The following CC2D2A variants were observed in gnomAD, a reference collection of about 807,000 sequenced individuals.
CC2D2A encodes coiled-coil and C2 domain-containing protein 2A.
CC2D2A carries 155 observed loss-of-function variants against 212.9 expected under a neutral mutation model. The ratio of observed to expected loss-of-function variants is 0.73; its 90% CI spans 0.64 to 0.83. The LOEUF is 0.83. Among genes scored for constraint, CC2D2A ranks in the 40% least tolerant of loss-of-function variants. CC2D2A has a pLI of 0.00. For missense variants in CC2D2A, 1,856 were observed against 1,956.2 expected (o/e 0.95, Z 0.97); for synonymous variants, 667 against 686.5 (o/e 0.97, Z 0.44).
rs186760497 is a variant in CC2D2A, at chr4:15,482,872, T to C, written c.247+2045T>C. Among the ~76,000 whole-genome samples, 8 of 136,450 alleles carry C rather than the reference T, an allele frequency of 5.9e-5. No homozygotes were observed. The East Asian group carries it at 7.8e-4, about 13-fold the overall frequency. 89.5% of individuals were successfully genotyped at this position (136,450 alleles called of 152,430 possible). A position where few individuals can be genotyped will look rare whatever the true frequency, so the allele number is the denominator to read the frequency against. Reference sequence around the variant, plus strand: ...CCACTGTCACCATGGAGATGATCTATGCATTAGTCCCTTCCCCCACAAAAA... The same window carrying C: ...CCACTGTCACCATGGAGATGATCTACGCATTAGTCCCTTCCCCCACAAAAA... On this transcript the variant is annotated intron_variant, in intron 4 of 36. Transcript: ENST00000424120.
chr4:15,555,049 A>T (rs776035263), intron 19 of CC2D2A, 23 bp from the exon 20 acceptor site: 1 of 1,597,414 alleles, frequency 6.3e-7, no homozygotes, highest in East Asian at 2.3e-5. Flanking sequence ...AGTCAGTCTC[A>T]TGGAATCAAC....
intron 17 of CC2D2A, among the ~76,000 whole-genome samples, chr4:15,550,505 GGAGGAGGCCC>G (rs1438663369): frequency 2.0e-5 from 3 of 152,190 alleles, no homozygotes; most frequent in Non-Finnish European, 4.4e-5. Context: ...GCCTGGAAAA[GGAGGAGGCCC>G]ATTCTCCTAG....
At chr4:15,569,558 T>C (rs1720063039) in intron 27 of CC2D2A, among the ~76,000 whole-genome samples, 169 bp downstream of exon 27, 1 of 151,784 alleles carries the variant, frequency 6.6e-6, no homozygotes, top group African/African-American at 2.4e-5. Flanking sequence ...CAAAAGCGAG[T>C]TTATTAGGAA....
chr4:15,598,541 C>T (rs778968986), intron 35 of CC2D2A, among the ~76,000 whole-genome samples: 3 of 152,182 alleles, frequency 2.0e-5, no homozygotes, highest in Admixed American at 1.3e-4. Context: ...AAGCACTTAG[C>T]GCAGTATCTG....
At chr4:15,583,708 G>A (rs2109086238) in intron 30 of CC2D2A, among the ~76,000 whole-genome samples, 1 of 152,326 alleles carries the variant, frequency 6.6e-6, no homozygotes, top group East Asian at 1.9e-4. Flanking sequence ...CCAGCACTTT[G>A]GGAGGCCGAG....
rs774919996 is a variant in CC2D2A, at chr4:15,601,290, C to T, written c.4728C>T (p.Asp1576=). ...MPYSEVKPLI[D]AVYSTGVHNI... Reference sequence around the variant, plus strand: ...ATTCTGAAGTGAAGCCTTTAATTGACGCTGTGTATAGTACTGGAGTACATA... The same window carrying T: ...ATTCTGAAGTGAAGCCTTTAATTGATGCTGTGTATAGTACTGGAGTACATA... Residue 1576 remains aspartate, a synonymous_variant, in exon 37 of 37, where the codon GAC becomes GAT. Coordinates refer to ENST00000424120, the MANE Select transcript of CC2D2A (RefSeq NM_001378615.1). 6.2e-6 allele frequency: 10 copies of T among 1,612,636 alleles called. No homozygotes were observed. The South Asian group carries it at 6.6e-5, about 11-fold the overall frequency.
intron 11 of CC2D2A, among the ~76,000 whole-genome samples, chr4:15,523,180 GTCCTTCCT>G (rs144700300): frequency 4.7e-5 from 7 of 149,260 alleles, no homozygotes; most frequent in African/African-American, 1.2e-4. Flanking sequence ...TCTTTCCTTT[GTCCTTCCT>G]TCCTTCCTTC....
intron 17 of CC2D2A, among the ~76,000 whole-genome samples, chr4:15,550,112 G>A (rs567659905): frequency 4.6e-5 from 7 of 152,324 alleles, no homozygotes; most frequent in African/African-American, 1.4e-4. Flanking sequence ...ACAGGGGATC[G>A]AATGGAGCCA....
At chr4:15,551,480 TC>T (rs1448048007) in intron 18 of CC2D2A, among the ~76,000 whole-genome samples, 1 of 152,220 alleles carries the variant, frequency 6.6e-6, no homozygotes, top group East Asian at 1.9e-4. Context: ...GCTGTCTTTT[TC>T]TTTCACTGCT....
Position 15,511,395 on chromosome 4 carries a change from C to A in CC2D2A, c.689C>A (p.Pro230Gln). The A allele has an allele frequency of 6.4e-7, 1 of 1,555,420 alleles. No individual in the cohort carries two copies. Among genetic ancestry groups the A allele is most frequent in the South Asian group, 1.3e-5 (1 of 79,918 alleles). Reference protein sequence around the residue: ...QEEEEGEEEEPPAQGGGKEMD... With the variant: ...QEEEEGEEEEQPAQGGGKEMD... ...GAGGAGGAAGGGGAAGAAGAAGAAC[C>A]ACCTGCACAAGGAGGAGGAAAGGAA... Residue 230 changes from proline to glutamine, a missense_variant, in exon 8 of 37, where the codon CCA (proline) becomes CAA (glutamine). Physicochemically the swap from Pro to Gln is moderately conservative, Grantham distance 76. Transcript: ENST00000424120.
chr4:15,570,973 T>C (rs1171748166), intron 28 of CC2D2A, among the ~76,000 whole-genome samples: 1 of 152,232 alleles, frequency 6.6e-6, no homozygotes, highest in Admixed American at 6.5e-5. Context: ...GCAAAGCCCA[T>C]AGAAGGCTCA....
intron 31 of CC2D2A, 121 bp from the exon 32 acceptor site, chr4:15,587,695 C>A: frequency 2.0e-6 from 1 of 491,592 alleles, no homozygotes; most frequent in South Asian, 3.6e-5. Flanking sequence ...AAATTTCGGG[C>A]AAGATTATAG....
chr4:15,481,716 A>G (rs1428380178), intron 4 of CC2D2A: 1 of 864,778 alleles, frequency 1.2e-6, no homozygotes, highest in Non-Finnish European at 1.4e-6. Flanking sequence ...TTTATAAATT[A>G]CCCAGTCTCA....
At chr4:15,584,586 G>T (rs1720784725) in intron 30 of CC2D2A, among the ~76,000 whole-genome samples, 1 of 152,104 alleles carries the variant, frequency 6.6e-6, no homozygotes, top group South Asian at 2.1e-4. Context: ...ATGAAATTTG[G>T]AGGGGATTTT....
intron 4 of CC2D2A, among the ~76,000 whole-genome samples, chr4:15,499,644 A>C (rs1430089748): frequency 1.3e-5 from 2 of 152,186 alleles, no homozygotes; most frequent in African/African-American, 4.8e-5. Flanking sequence ...ACAAGTAATA[A>C]CTGTTTTATG....
At chr4:15,510,416 C>T (rs775463982) in intron 7 of CC2D2A, among the ~76,000 whole-genome samples, 176 bp downstream of exon 7, 10 of 152,080 alleles carry the variant, frequency 6.6e-5, no homozygotes, top group East Asian at 3.9e-4. Flanking sequence ...GACAACATGG[C>T]GAAACCCCAT....
intron 31 of CC2D2A, among the ~76,000 whole-genome samples, chr4:15,587,086 G>A (rs1258778605): frequency 3.3e-5 from 5 of 152,164 alleles, no homozygotes; most frequent in Admixed American, 1.3e-4. Context: ...TTTTTCCATG[G>A]ATCAGTCAGA....
chr4:15,528,778 T>G, intron 13 of CC2D2A, 52 bp downstream of exon 13: 15 of 1,196,778 alleles, frequency 1.3e-5, no homozygotes, highest in East Asian at 2.4e-5. Flanking sequence ...AGATGTGCAC[T>G]TGTTAGAGTT....
intron 4 of CC2D2A, among the ~76,000 whole-genome samples, chr4:15,497,462 CT>C (rs1466408086): frequency 6.6e-6 from 1 of 152,158 alleles, no homozygotes; most frequent in Non-Finnish European, 1.5e-5. Flanking sequence ...CCTTGTAACT[CT>C]TTTGTCCACC....
Sources: allele counts gnomAD v4.1 joint callset (sites outside exome capture counted in the v4.1 genomes callset), GRCh38; gene constraint gnomAD v4.1.1; transcripts MANE v1.5; gene names NCBI Gene and HGNC (gene_info 2026-07-23, HGNC 2026-07-21).